The following GPC6 variants were observed in gnomAD, a reference collection of about 807,000 sequenced individuals.
GPC6 encodes glypican-6.
Under a neutral mutation model 55.2 loss-of-function variants are expected in GPC6, and 14 were observed. The observed-to-expected ratio is 0.25, with a 90% CI of 0.17 to 0.40. The LOEUF (loss-of-function observed/expected upper bound fraction) is 0.40, where lower values mean the gene tolerates loss of function less well. Among genes scored for constraint, GPC6 ranks in the 10% least tolerant of loss-of-function variants. GPC6 has a pLI of 1.00. For synonymous variants in GPC6, 278 were observed against 259.6 expected (o/e 1.07, Z -0.68); for missense variants, 641 against 708.5 (o/e 0.90, Z 1.08).
chr13:93,365,070 T>A (rs1312635150), intron 1 of GPC6, among the ~76,000 whole-genome samples: 1 of 152,068 alleles, frequency 6.6e-6, no homozygotes, highest in African/African-American at 2.4e-5. Context: ...ATCACCCCCA[T>A]GTCAATGAAA....
chr13:93,308,006 C>T (rs950330704), intron 1 of GPC6, among the ~76,000 whole-genome samples: 2 of 152,084 alleles, frequency 1.3e-5, no homozygotes, highest in East Asian at 1.9e-4. Context: ...TGGCTCAGGC[C>T]GGGCACGGTG....
chr13:94,205,987 C>A (rs1481144454), intron 4 of GPC6, among the ~76,000 whole-genome samples: 1 of 151,910 alleles, frequency 6.6e-6, no homozygotes, highest in Non-Finnish European at 1.5e-5. Flanking sequence ...TTGGTAGGGG[C>A]CAAACATGCT....
chr13:93,297,624 G>A (rs751424135), intron 1 of GPC6, among the ~76,000 whole-genome samples: 1 of 151,892 alleles, frequency 6.6e-6, no homozygotes, highest in Non-Finnish European at 1.5e-5. Context: ...GTCTTTAACA[G>A]AACAAAAAGT....
chr13:93,579,251 T>C (rs934883518), intron 2 of GPC6, among the ~76,000 whole-genome samples: 2 of 152,098 alleles, frequency 1.3e-5, no homozygotes, highest in African/African-American at 4.8e-5. Context: ...ATAATTCAAA[T>C]GTTCCTAGCA....
intron 3 of GPC6, among the ~76,000 whole-genome samples, chr13:93,923,494 A>AC (rs985659857): frequency 6.6e-5 from 10 of 151,622 alleles, no homozygotes; most frequent in African/African-American, 2.4e-4. Flanking sequence ...AAGCAAAAAA[A>AC]AAAAATTTAA....
chr13:93,718,433 G>A (rs1371761283), intron 2 of GPC6, among the ~76,000 whole-genome samples: 1 of 151,750 alleles, frequency 6.6e-6, no homozygotes, highest in Non-Finnish European at 1.5e-5. Context: ...CATATCCTTC[G>A]CCTACTTTTG....
At chr13:94,203,073 A>G (rs1370656994) in intron 4 of GPC6, among the ~76,000 whole-genome samples, 1 of 151,600 alleles carries the variant, frequency 6.6e-6, no homozygotes, top group Non-Finnish European at 1.5e-5. Flanking sequence ...AAAAGGTTTT[A>G]TAGTTTTATA....
At chr13:94,262,707 T>A (rs556204757) in intron 4 of GPC6, among the ~76,000 whole-genome samples, 9 of 149,612 alleles carry the variant, frequency 6.0e-5, no homozygotes, top group Non-Finnish European at 7.4e-5. Flanking sequence ...GAATCACTGG[T>A]CTAAAGGTAA....
intron 1 of GPC6, among the ~76,000 whole-genome samples, chr13:93,418,146 T>C (rs574158622): frequency 3.8e-4 from 57 of 151,952 alleles, no homozygotes; most frequent in Middle Eastern, 3.4e-3. Flanking sequence ...CTTTTAATTT[T>C]TGTGTGTGCA....
At chr13:93,899,877 A>G (rs1876250544) in intron 3 of GPC6, among the ~76,000 whole-genome samples, 1 of 152,156 alleles carries the variant, frequency 6.6e-6, no homozygotes, top group South Asian at 2.1e-4. Context: ...TGATCAGGCA[A>G]TTGTGCTTTA....
In GPC6 at chr13:93,586,856, A is replaced by ACTGGTTATT. The variant is rs574933763; in HGVS notation, c.319+41436_319+41444dup. ...CTTCATTCTTACCAAATTTACTAGT[A>ACTGGTTATT]CTGGTTATTGGGGATTCTGTGAAAT... On this transcript the variant is annotated intron_variant, in intron 2 of 8. Coordinates refer to ENST00000377047, the MANE Select transcript of GPC6 (RefSeq NM_005708.5). Among the ~76,000 whole-genome samples the ACTGGTTATT allele has an allele frequency of 2.8e-3, 424 of 152,300 alleles. 4 individuals carry two copies. The highest frequency in any genetic ancestry group is 9.9e-3 in the African/African-American group (412 of 41,570).
chr13:94,384,709 A>G (rs1172853066), intron 7 of GPC6, among the ~76,000 whole-genome samples: 1 of 152,236 alleles, frequency 6.6e-6, no homozygotes, highest in Non-Finnish European at 1.5e-5. Flanking sequence ...AGGGTAAACA[A>G]TTAGTCCACT....
At chr13:94,288,961 A>ATTT (rs1874786828) in intron 5 of GPC6, among the ~76,000 whole-genome samples, 23 of 131,124 alleles carry the variant, frequency 1.8e-4, no homozygotes, top group East Asian at 4.3e-4. Context: ...ATATATAGAT[A>ATTT]GATAGATAGA....
intron 1 of GPC6, among the ~76,000 whole-genome samples, chr13:93,449,633 G>T (rs920818617): frequency 6.6e-6 from 1 of 152,090 alleles, no homozygotes; most frequent in Non-Finnish European, 1.5e-5. Context: ...TTCGAAACCA[G>T]CTTGGCCAAC....
intron 2 of GPC6, among the ~76,000 whole-genome samples, chr13:93,798,212 G>A (rs1258340036): frequency 6.6e-6 from 1 of 152,084 alleles, no homozygotes; most frequent in African/African-American, 2.4e-5. Flanking sequence ...TGATGAAGGT[G>A]TGAAAAAGAG....
In GPC6 at chr13:94,038,062, A is replaced by AT. The variant is rs746272975; in HGVS notation, c.877+10174dup. Among the ~76,000 whole-genome samples, 6 of 152,042 alleles carry AT rather than the reference A, an allele frequency of 3.9e-5. 1 individual carries two copies. In the East Asian group the frequency reaches 7.7e-4, roughly 20 times the overall value. ...GTGGCTAGTGTGCCTTAGAAACTAAATTTTTTATTTACTTATTTTTTCCAG... is the reference window on the plus strand; with the variant it reads ...GTGGCTAGTGTGCCTTAGAAACTAAATTTTTTTATTTACTTATTTTTTCCAG... On this transcript the variant is annotated intron_variant, in intron 4 of 8. Coordinates refer to ENST00000377047, the MANE Select transcript of GPC6 (RefSeq NM_005708.5).
At chr13:93,293,115 T>G (rs1878371396) in intron 1 of GPC6, among the ~76,000 whole-genome samples, 1 of 152,108 alleles carries the variant, frequency 6.6e-6, no homozygotes, top group Non-Finnish European at 1.5e-5. Context: ...CCCAAGTAGC[T>G]GGAACTACAG....
At chr13:93,615,060 G>T (rs1043766727) in intron 2 of GPC6, among the ~76,000 whole-genome samples, 5 of 152,050 alleles carry the variant, frequency 3.3e-5, no homozygotes, top group African/African-American at 1.2e-4. Flanking sequence ...ACAGAACAAA[G>T]ATTCAGATGT....
At chr13:94,328,314 T>C (rs1376661589) in intron 6 of GPC6, among the ~76,000 whole-genome samples, 1 of 152,208 alleles carries the variant, frequency 6.6e-6, no homozygotes, top group Non-Finnish European at 1.5e-5. Flanking sequence ...TTTTCCATCT[T>C]TCCATGCCCG....
Sources: allele counts gnomAD v4.1 joint callset (sites outside exome capture counted in the v4.1 genomes callset), GRCh38; gene constraint gnomAD v4.1.1; transcripts MANE v1.5; gene names NCBI Gene and HGNC (gene_info 2026-07-23, HGNC 2026-07-21).